The following SLC14A1 variants were observed in gnomAD, a reference collection of about 807,000 sequenced individuals.
SLC14A1 encodes urea transporter 1.
In SLC14A1, 36 loss-of-function variants were observed where a neutral mutation model predicts 39.6. The observed-to-expected ratio is 0.91, with a 90% confidence interval of 0.70 to 1.20. SLC14A1 has a LOEUF of 1.20. Among genes scored for constraint, SLC14A1 ranks in the 50% most tolerant of loss-of-function variants. SLC14A1 has a pLI of 0.00. For synonymous variants in SLC14A1, 164 were observed against 173.6 expected, an observed-to-expected ratio of 0.94 and a Z score of 0.43; for missense variants, 469 against 478.7, an observed-to-expected ratio of 0.98 and a Z score of 0.19.
At chr18:45,733,903 C>G (rs1225706757) in intron 4 of SLC14A1, among the ~76,000 whole-genome samples, 1 of 152,152 alleles carries the variant, frequency 6.6e-6, no homozygotes, top group Non-Finnish European at 1.5e-5. Flanking sequence ...ATGAACTGGG[C>G]ATGTGAGGGA....
intron 8 of SLC14A1, 176 bp downstream of exon 8, chr18:45,739,838 C>T: frequency 4.2e-6 from 3 of 722,198 alleles, no homozygotes; most frequent in Non-Finnish European, 7.2e-6. Flanking sequence ...GCATTAAAAT[C>T]ACCTCTGCCT....
intron 9 of SLC14A1, 76 bp downstream of exon 9, chr18:45,748,501 C>T: frequency 6.8e-7 from 1 of 1,465,174 alleles, no homozygotes; most frequent in Non-Finnish European, 9.6e-7. Flanking sequence ...CTCCTGAAGT[C>T]CACTGGGCTG....
intron 1 of SLC14A1, 37 bp downstream of exon 1, chr18:45,724,310 A>G (rs2046805731): frequency 6.6e-6 from 1 of 152,182 alleles, no homozygotes; most frequent in Middle Eastern, 3.2e-3. Context: ...ATTTCCAACT[A>G]TTCATCATTT....
At chr18:45,734,117 G>A (rs1427223674) in intron 4 of SLC14A1, 157 bp from the exon 5 acceptor site, 13 of 907,778 alleles carry the variant, frequency 1.4e-5, no homozygotes, top group Non-Finnish European at 2.3e-5. Flanking sequence ...GTCTTTATTA[G>A]TTTTTGTACG....
chr18:45,726,170 A>G (rs1199587192), intron 2 of SLC14A1, among the ~76,000 whole-genome samples: 1 of 152,226 alleles, frequency 6.6e-6, no homozygotes, highest in Non-Finnish European at 1.5e-5. Flanking sequence ...AGTTTACTAT[A>G]GGTAAATATA....
chr18:45,731,125 C>CAG lies in SLC14A1; in HGVS notation c.264_265dup (p.Asn89ArgfsTer18), dbSNP rs760401643. The CAG allele has an allele frequency of 2.5e-6, 4 of 1,614,056 alleles. No homozygotes were observed. The highest frequency in any genetic ancestry group is 2.5e-6 in the Non-Finnish European group (3 of 1,180,026). On this transcript the variant is annotated frameshift_variant, in exon 4 of 10. Transcript: ENST00000321925. LOFTEE classifies it high-confidence loss of function. ...CCTGATTCTGGTAGGACTTCTTGTT[C>CAG]AGAACCCCTGGTGGGCTCTCACTGG...
At chr18:45,740,428 TTTC>T (rs746676335) in intron 8 of SLC14A1, among the ~76,000 whole-genome samples, 4 of 151,474 alleles carry the variant, frequency 2.6e-5, no homozygotes, top group African/African-American at 4.9e-5. Flanking sequence ...GGGAAGAATA[TTTC>T]TTTTTTTATT....
At chr18:45,742,762 C>A (rs868623988) in intron 8 of SLC14A1, among the ~76,000 whole-genome samples, 1 of 152,150 alleles carries the variant, frequency 6.6e-6, no homozygotes, top group Non-Finnish European at 1.5e-5. Context: ...ACTGCAACCT[C>A]TGCCTCCCGG....
At chr18:45,726,597 C>A (rs112975859) in intron 2 of SLC14A1, 2 of 151,910 alleles carry the variant, frequency 1.3e-5, no homozygotes, top group African/African-American at 2.4e-5. Context: ...GAATTCAAAA[C>A]CAGCCTGGAC....
Position 45,731,040 on chromosome 18 carries a change from T to C in SLC14A1, c.177T>C (p.Ile59=). 1 of 1,614,160 alleles carries C rather than the reference T, an allele frequency of 6.2e-7. No individual in the cohort carries two copies. Among genetic ancestry groups the C allele is most frequent in the Non-Finnish European group, 8.5e-7 (1 of 1,179,990 alleles). Residue 59 remains isoleucine, a synonymous_variant, in exon 4 of 10, where the codon ATT becomes ATC. Transcript: ENST00000321925. ...LKDKPVVLQF[I]DWILRGISQV... ...ACAAACCCGTGGTGCTCCAGTTCAT[T>C]GACTGGATTCTCCGGGGCATATCCC...
intron 9 of SLC14A1, 29 bp from the exon 10 acceptor site, chr18:45,749,749 G>A: frequency 6.2e-7 from 1 of 1,614,038 alleles, no homozygotes; most frequent in South Asian, 1.1e-5. Flanking sequence ...GGATCTGAAA[G>A]GAGCGTGTGG....
intron 2 of SLC14A1, chr18:45,727,156 A>G: frequency 2.8e-6 from 3 of 1,067,036 alleles, no homozygotes; most frequent in South Asian, 1.4e-5. Flanking sequence ...CCAGGAACCC[A>G]GTGGGCGCGC....
intron 8 of SLC14A1, among the ~76,000 whole-genome samples, chr18:45,743,518 C>T (rs2047451926): frequency 6.6e-6 from 1 of 152,148 alleles, no homozygotes; most frequent in Non-Finnish European, 1.5e-5. Context: ...CTGCTACTTA[C>T]TAGCGTATTT....
At position 45,750,765 on chromosome 18, in the gene SLC14A1, C is replaced by T. The variant is rs1297421562; in HGVS notation, c.*814C>T. 1.0e-6 allele frequency: 1 copy of T among 984,936 alleles called. No homozygotes were observed. The highest frequency in any genetic ancestry group is 6.2e-5 in the Admixed American group (1 of 16,256). 61.0% of individuals were successfully genotyped at this position (984,936 alleles called of 1,614,324 possible). On this transcript the variant is annotated 3_prime_UTR_variant, in exon 10 of 10. Transcript: ENST00000321925. The stretch of plus-strand genomic sequence containing the variant: ...TTACATATTAAAGAAAAGTTACTTA[C>T]TGTATTTATGAAATACTCAGCTTAG...
In SLC14A1 at chr18:45,750,082, C is replaced by G; in HGVS notation, c.*131C>G. 6.3e-7 allele frequency: 1 copy of G among 1,580,056 alleles called. No homozygotes were observed. Among genetic ancestry groups the G allele is most frequent in the Non-Finnish European group, 8.6e-7 (1 of 1,168,892 alleles). On this transcript the variant is annotated 3_prime_UTR_variant, in exon 10 of 10. Coordinates refer to ENST00000321925, the MANE Select transcript of SLC14A1 (RefSeq NM_015865.7). ...CATACTGACGCGTCTGTAATCTGTT[C>G]TTATGCTCATTTTGTATTTTCCTTT...
At chr18:45,739,748 A>G in intron 8 of SLC14A1, 86 bp downstream of exon 8, 1 of 1,582,498 alleles carries the variant, frequency 6.3e-7, no homozygotes. Flanking sequence ...ACTGCATGAA[A>G]AATCAGGGCC....
At chr18:45,735,946 C>A (rs190547075) in intron 5 of SLC14A1, among the ~76,000 whole-genome samples, 1 of 152,334 alleles carries the variant, frequency 6.6e-6, no homozygotes, top group Admixed American at 6.5e-5. Flanking sequence ...AGCTCAAGGA[C>A]ACACACTCTG....
chr18:45,732,425 T>C (rs1289993500), intron 4 of SLC14A1, among the ~76,000 whole-genome samples: 1 of 152,236 alleles, frequency 6.6e-6, no homozygotes, highest in African/African-American at 2.4e-5. Context: ...TCATGTGTAG[T>C]CCCAGTCTCT....
At chr18:45,748,656 A>C (rs1183368409) in intron 9 of SLC14A1, among the ~76,000 whole-genome samples, 3 of 152,224 alleles carry the variant, frequency 2.0e-5, no homozygotes, top group Admixed American at 6.5e-5. Flanking sequence ...CTTGGTTTAA[A>C]AAAAAATGAA....
Sources: gnomAD v4.1 joint callset for allele counts (sites outside exome capture counted in the v4.1 genomes callset) on GRCh38, gnomAD v4.1.1 for gene constraint, MANE v1.5 for transcripts, NCBI Gene and HGNC (gene_info 2026-07-23, HGNC 2026-07-21) for gene names.